Variants in RALGPS1 observed in about 807,000 individuals in gnomAD.
RALGPS1 encodes Ral GEF with PH domain and SH3 binding motif 1.
In RALGPS1, 19 loss-of-function variants were observed where a neutral mutation model predicts 78.8. That is an observed-to-expected ratio of 0.24 (90% CI 0.17 to 0.35). The LOEUF (loss-of-function observed/expected upper bound fraction) is 0.35. Among genes scored for constraint, RALGPS1 ranks in the 10% least tolerant of loss-of-function variants. RALGPS1 has a pLI of 1.00. For synonymous variants in RALGPS1, 228 were observed against 256.3 expected, an observed-to-expected ratio of 0.89 and a Z score of 1.06; for missense variants, 454 against 688.3, an observed-to-expected ratio of 0.66 and a Z score of 3.81.
intron 8 of RALGPS1, among the ~76,000 whole-genome samples, chr9:127,084,406 G>A (rs1411527402): frequency 6.6e-6 from 1 of 152,068 alleles, no homozygotes; most frequent in Non-Finnish European, 1.5e-5. Context: ...TCCCTCCCTG[G>A]CTCCTGTACT....
intron 6 of RALGPS1, among the ~76,000 whole-genome samples, chr9:127,050,451 A>G (rs1355834937): frequency 2.6e-5 from 4 of 152,218 alleles, no homozygotes; most frequent in Non-Finnish European, 5.9e-5. Flanking sequence ...CCTGGAATCC[A>G]TTCATTCTCC....
chr9:126,946,966 A>T (rs1220605471), intron 1 of RALGPS1, among the ~76,000 whole-genome samples: 1 of 152,000 alleles, frequency 6.6e-6, no homozygotes, highest in African/African-American at 2.4e-5. Flanking sequence ...TCCAGAGTAG[A>T]TTGTAGATGC....
intron 4 of RALGPS1, among the ~76,000 whole-genome samples, chr9:127,006,996 A>C (rs1392106415): frequency 6.6e-6 from 1 of 152,216 alleles, no homozygotes; most frequent in Non-Finnish European, 1.5e-5. Context: ...AAAGATTTTT[A>C]AAATTTAACT....
In RALGPS1 at chr9:127,091,525, G is replaced by A. The variant is rs924329907; in HGVS notation, c.610+22169G>A. On this transcript the variant is annotated intron_variant, in intron 8 of 18. Transcript: ENST00000259351. This position sits in a 1 kb window ranked among gnomAD's most constrained non-coding sequence, Gnocchi z 4.3. ...CTGTGGGCAGGAGAAGGGACCCTCA[G>A]GGGGTGGTAACAGGGTCAGGCAGCT... is the stretch of plus-strand genomic sequence containing the variant. 8.9e-7 allele frequency: 1 copy of A among 1,118,162 alleles called. No homozygotes were observed. Among genetic ancestry groups the A allele is most frequent in the Non-Finnish European group, 1.3e-6 (1 of 785,712 alleles). The allele number at this position is 1,118,162 out of a possible 1,614,324, so 69.3% of individuals were successfully genotyped here. A position where few individuals can be genotyped will look rare whatever the true frequency, so the allele number is the denominator to read the frequency against.
chr9:127,152,352 G>A (rs1164613085), intron 8 of RALGPS1, among the ~76,000 whole-genome samples: 3 of 152,104 alleles, frequency 2.0e-5, no homozygotes, highest in African/African-American at 7.2e-5. Context: ...TCAGCTTTGG[G>A]GTTTATTAAT....
At chr9:127,060,586 G>T (rs774241392) in intron 7 of RALGPS1, among the ~76,000 whole-genome samples, 10 of 152,046 alleles carry the variant, frequency 6.6e-5, no homozygotes, top group Admixed American at 1.3e-4. Context: ...GAATGGGTTG[G>T]CAGAGGCTTC....
At chr9:127,201,151 G>A (rs1467690723) in intron 14 of RALGPS1, among the ~76,000 whole-genome samples, 2 of 152,228 alleles carry the variant, frequency 1.3e-5, no homozygotes, top group Non-Finnish European at 2.9e-5. Context: ...GTAGGCCACA[G>A]CATTTCATAG....
chr9:126,964,860 G>A (rs182831942), intron 2 of RALGPS1, among the ~76,000 whole-genome samples: 83 of 152,246 alleles, frequency 5.5e-4, no homozygotes, highest in African/African-American at 1.9e-3. Flanking sequence ...AGCCATTTTG[G>A]AAAGAGTGAA....
rs566096047 is a variant in RALGPS1 at position 127,203,507 on chromosome 9, C to T, written c.1247+4441C>T. Among the ~76,000 whole-genome samples the T allele has an allele frequency of 2.8e-3, 424 of 151,518 alleles. 1 individual carries two copies. The highest frequency in any genetic ancestry group is 4.8e-3 in the Non-Finnish European group (325 of 67,902). On this transcript the variant is annotated intron_variant, in intron 14 of 18. Transcript: ENST00000259351. ...AGGCTGTAATACAGGTAGTGGGAAG[C>T]GTAGGGGATGGGGGGGTCCTTGGAA...
intron 8 of RALGPS1, chr9:127,088,812 A>C: frequency 9.0e-7 from 1 of 1,116,090 alleles, no homozygotes; most frequent in Non-Finnish European, 1.3e-6. Flanking sequence ...TTCGGAAAAC[A>C]GAATCCAGCA....
chr9:127,127,639 C>T (rs1325361782), intron 8 of RALGPS1, among the ~76,000 whole-genome samples: 1 of 152,166 alleles, frequency 6.6e-6, no homozygotes, highest in Non-Finnish European at 1.5e-5. Context: ...GTTGGAGCAC[C>T]TTATGTAGCT....
intron 8 of RALGPS1, among the ~76,000 whole-genome samples, chr9:127,083,556 C>G (rs2051385764): frequency 6.6e-6 from 1 of 152,186 alleles, no homozygotes; most frequent in Non-Finnish European, 1.5e-5. Flanking sequence ...ATTTCTGGTT[C>G]CTGGCCCTTG....
intron 8 of RALGPS1, among the ~76,000 whole-genome samples, chr9:127,136,561 C>T (rs1479828989): frequency 6.6e-6 from 1 of 151,932 alleles, no homozygotes; most frequent in East Asian, 2.0e-4. Flanking sequence ...CCTCCCTGTC[C>T]AGGTCTATGG....
chr9:127,096,976 G>A (rs541535355), intron 8 of RALGPS1, among the ~76,000 whole-genome samples: 3 of 152,304 alleles, frequency 2.0e-5, no homozygotes, highest in Admixed American at 6.5e-5. Context: ...GACACAGCAG[G>A]TGTATGCACC....
At chr9:127,199,485 C>T (rs1017901184) in intron 14 of RALGPS1, among the ~76,000 whole-genome samples, 2 of 148,670 alleles carry the variant, frequency 1.3e-5, no homozygotes, top group Non-Finnish European at 3.0e-5. Context: ...TTGACCCCCA[C>T]CCTGCTAGGC....
At chr9:127,125,984 C>T (rs1396501748) in intron 8 of RALGPS1, among the ~76,000 whole-genome samples, 2 of 152,012 alleles carry the variant, frequency 1.3e-5, no homozygotes, top group Non-Finnish European at 2.9e-5. Context: ...TGGGAGACTG[C>T]GTATATATGA....
At chr9:127,216,981 G>A (rs1280620337) in intron 18 of RALGPS1, 1 of 1,543,798 alleles carries the variant, frequency 6.5e-7, no homozygotes, top group South Asian at 1.2e-5. Flanking sequence ...TGCGGGGAAG[G>A]AGGCAGGGCC....
At chr9:127,033,162 T>G (rs1388015928) in intron 4 of RALGPS1, among the ~76,000 whole-genome samples, 1 of 152,164 alleles carries the variant, frequency 6.6e-6, no homozygotes, top group African/African-American at 2.4e-5. Context: ...CCAGGTTGTT[T>G]GTGTTCTCTT....
chr9:127,012,504 T>A (rs2044438304), intron 4 of RALGPS1, among the ~76,000 whole-genome samples: 1 of 152,210 alleles, frequency 6.6e-6, no homozygotes, highest in South Asian at 2.1e-4. Context: ...TGTAGCCCCC[T>A]TGGTCCATTT....
Sources: gnomAD v4.1 joint callset for allele counts (sites outside exome capture counted in the v4.1 genomes callset) on GRCh38, gnomAD v4.1.1 for gene constraint, Gnocchi (gnomAD v3.1) non-coding constraint, MANE v1.5 for transcripts, NCBI Gene and HGNC (gene_info 2026-07-23, HGNC 2026-07-21) for gene names.